MDGA2: variants seen among roughly 807,000 people sequenced by gnomAD.
MDGA2 encodes the protein MAM domain containing glycosylphosphatidylinositol anchor 2.
In MDGA2, 40 loss-of-function variants were observed where a neutral mutation model predicts 117.8. That is an observed-to-expected ratio of 0.34 (90% CI 0.26 to 0.44). The LOEUF is 0.44. Among genes scored for constraint, MDGA2 ranks in the 20% least tolerant of loss-of-function variants. The pLI is 1.00. For missense variants in MDGA2, 1,123 were observed against 1,250.6 expected (o/e 0.90, Z 1.54); for synonymous variants, 452 against 439.0 (o/e 1.03, Z -0.37).
chr14:47,451,558 T>C (rs1893241194), intron 1 of MDGA2, among the ~76,000 whole-genome samples: 1 of 152,100 alleles, frequency 6.6e-6, no homozygotes, highest in Non-Finnish European at 1.5e-5. Context: ...TTGAGGCTAA[T>C]GTATATGTGA....
rs553180840 is a variant in MDGA2 at position 47,139,839 on chromosome 14, T to C, written c.792+4239A>G. Among the ~76,000 whole-genome samples, 1,119 of 145,246 alleles carry C rather than the reference T, an allele frequency of 7.7e-3. 16 individuals carry two copies. The highest frequency in any genetic ancestry group is 0.026 in the African/African-American group (1,043 of 39,416). ...ACACACATATATATACACATATATA[T>C]ATACACACATATATATACACATATA... On this transcript the variant is annotated intron_variant, in intron 4 of 16. Transcript: ENST00000399232.
At chr14:46,945,468 C>A (rs907146586) in intron 9 of MDGA2, among the ~76,000 whole-genome samples, 1 of 152,044 alleles carries the variant, frequency 6.6e-6, no homozygotes, top group Non-Finnish European at 1.5e-5. Context: ...ATTTTCTACT[C>A]ACAAAAATCC....
At chr14:47,623,387 T>C (rs1033317587) in intron 1 of MDGA2, among the ~76,000 whole-genome samples, 1 of 152,186 alleles carries the variant, frequency 6.6e-6, no homozygotes, top group Non-Finnish European at 1.5e-5. Context: ...GACAAGAAAC[T>C]ATAAAAGCTG....
At chr14:47,245,601 A>AC in intron 2 of MDGA2, among the ~76,000 whole-genome samples, 1 of 151,846 alleles carries the variant, frequency 6.6e-6, no homozygotes, top group African/African-American at 2.4e-5. Context: ...ATAAGAGAAA[A>AC]ATTTTTCTGT....
intron 3 of MDGA2, among the ~76,000 whole-genome samples, chr14:47,158,937 A>C (rs979275196): frequency 5.3e-5 from 8 of 152,214 alleles, no homozygotes; most frequent in African/African-American, 1.9e-4. Context: ...GAAAGAAGCC[A>C]ATCTGTAAAG....
intron 8 of MDGA2, among the ~76,000 whole-genome samples, chr14:46,961,671 C>G (rs1447486528): frequency 6.8e-6 from 1 of 146,646 alleles, no homozygotes; most frequent in African/African-American, 2.5e-5. Flanking sequence ...GAGATGGAGT[C>G]TCACTCTGTC....
chr14:47,471,325 T>G (rs1371005011), intron 1 of MDGA2, among the ~76,000 whole-genome samples: 2 of 151,806 alleles, frequency 1.3e-5, no homozygotes, highest in Non-Finnish European at 2.9e-5. Context: ...CTAAATCACT[T>G]AGCAGTGAGA....
At chr14:47,573,840 G>A (rs1018678661) in intron 1 of MDGA2, among the ~76,000 whole-genome samples, 3 of 152,018 alleles carry the variant, frequency 2.0e-5, no homozygotes, top group African/African-American at 7.3e-5. Flanking sequence ...AAATTAAGAA[G>A]TGATTTCATT....
chr14:46,990,844 A>G (rs1348220612), intron 8 of MDGA2, among the ~76,000 whole-genome samples: 1 of 145,668 alleles, frequency 6.9e-6, no homozygotes, highest in East Asian at 2.1e-4. Context: ...ATAATCATAT[A>G]TGGATTAGAA....
intron 1 of MDGA2, among the ~76,000 whole-genome samples, chr14:47,551,057 G>T (rs956227865): frequency 6.6e-6 from 1 of 152,242 alleles, no homozygotes; most frequent in South Asian, 2.1e-4. Flanking sequence ...TCATAAAGGT[G>T]AAAGTACTTA....
intron 1 of MDGA2, among the ~76,000 whole-genome samples, chr14:47,587,332 T>C (rs1896343890): frequency 6.6e-6 from 1 of 151,872 alleles, no homozygotes; most frequent in African/African-American, 2.4e-5. Flanking sequence ...ATTTTTGGAA[T>C]ATATATTTAT....
At chr14:47,147,372 G>A in intron 3 of MDGA2, among the ~76,000 whole-genome samples, 1 of 152,162 alleles carries the variant, frequency 6.6e-6, no homozygotes, top group African/African-American at 2.4e-5. Flanking sequence ...ATGAGAGAGT[G>A]AAAGAAGTAG....
intron 1 of MDGA2, among the ~76,000 whole-genome samples, chr14:47,477,995 G>A (rs767315830): frequency 4.8e-4 from 73 of 152,128 alleles, no homozygotes; most frequent in African/African-American, 1.4e-3. Context: ...CCTTCCCACC[G>A]TATCTTGCTG....
chr14:47,291,144 T>C (rs577349759), intron 2 of MDGA2, among the ~76,000 whole-genome samples: 57 of 152,332 alleles, frequency 3.7e-4, no homozygotes, highest in African/African-American at 1.2e-3. Context: ...CGATTTTCAC[T>C]GAAAGCTGGA....
intron 7 of MDGA2, among the ~76,000 whole-genome samples, chr14:47,056,950 TATTTA>T (rs1287224364): frequency 6.6e-6 from 1 of 152,132 alleles, no homozygotes; most frequent in Non-Finnish European, 1.5e-5. Flanking sequence ...GCATATAGTA[TATTTA>T]ATTTTTTAAT....
At position 47,155,849 on chromosome 14, in the gene MDGA2, T is replaced by C. The variant is rs146710937; in HGVS notation, c.596-11575A>G. Among the ~76,000 whole-genome samples the C allele has an allele frequency of 2.8e-4, 42 of 150,944 alleles. 1 individual carries two copies. The highest frequency in any genetic ancestry group is 1.2e-4 in the Non-Finnish European group (8 of 67,766). ...CAAGGGTCTTGCGACATTTTTTATATGAATTTTTTTACAATTCTTTTCTTT... is the reference window on the plus strand; with the variant it reads ...CAAGGGTCTTGCGACATTTTTTATACGAATTTTTTTACAATTCTTTTCTTT... On this transcript the variant is annotated intron_variant, in intron 3 of 16. Transcript: ENST00000399232.
At chr14:47,377,665 A>T (rs1374708892) in intron 1 of MDGA2, among the ~76,000 whole-genome samples, 1 of 152,046 alleles carries the variant, frequency 6.6e-6, no homozygotes, top group Non-Finnish European at 1.5e-5. Context: ...AGGCTGGGAG[A>T]GGGGCATCTG....
chr14:47,673,129 GGGT>G (rs1436100188), intron 1 of MDGA2, among the ~76,000 whole-genome samples: 4 of 152,094 alleles, frequency 2.6e-5, no homozygotes, highest in African/African-American at 9.7e-5. Context: ...GGAGTGCAGT[GGGT>G]ACCAGAGCTC....
chr14:46,999,365 G>T (rs910314659), intron 8 of MDGA2, among the ~76,000 whole-genome samples: 1 of 151,956 alleles, frequency 6.6e-6, no homozygotes, highest in African/African-American at 2.4e-5. Flanking sequence ...CTATTGATTG[G>T]TTTTTAAATT....
Sources: allele counts gnomAD v4.1 joint callset (sites outside exome capture counted in the v4.1 genomes callset), GRCh38; gene constraint gnomAD v4.1.1; transcripts MANE v1.5; gene names NCBI Gene and HGNC (gene_info 2026-07-23, HGNC 2026-07-21).